IAH1: variants seen among roughly 807,000 people sequenced by gnomAD.
The protein encoded by IAH1 is isoamyl acetate-hydrolyzing esterase 1 homolog.
In IAH1, 24 loss-of-function variants were observed where a neutral mutation model predicts 26.7. The ratio of observed to expected loss-of-function variants is 0.90; its 90% confidence interval spans 0.65 to 1.26. IAH1 has a LOEUF of 1.26. IAH1 is among the 50% of genes most tolerant of loss of function. IAH1 has a pLI of 0.00. For missense variants in IAH1, 300 were observed against 299.9 expected, an observed-to-expected ratio of 1.00 and a Z score of 0.00; for synonymous variants, 140 against 118.5, an observed-to-expected ratio of 1.18 and a Z score of -1.18.
chr2:9,475,254 T>G (rs1682415872), intron 1 of IAH1: 2 of 1,228,478 alleles, frequency 1.6e-6, no homozygotes, highest in African/African-American at 1.5e-5. Flanking sequence ...ATTCCATTCC[T>G]GTGTGTGTCC....
chr2:9,490,898 G>A (rs1358297843), downstream of IAH1, among the ~76,000 whole-genome samples: 1 of 152,156 alleles, frequency 6.6e-6, no homozygotes, highest in East Asian at 1.9e-4. Flanking sequence ...GGACAGCACA[G>A]CTCTTTAAAT....
the IAH1 span, among the ~76,000 whole-genome samples, chr2:9,510,455 G>A: frequency 1.3e-5 from 2 of 152,074 alleles, no homozygotes; most frequent in South Asian, 2.1e-4. Context: ...CACGAGGTCA[G>A]GAGTTCGAGA....
chr2:9,498,176 T>C (rs140827301), downstream of IAH1, among the ~76,000 whole-genome samples: 2 of 152,128 alleles, frequency 1.3e-5, no homozygotes, highest in African/African-American at 4.8e-5. Flanking sequence ...ATTTCAGGCG[T>C]ACGCCACCAT....
At chr2:9,491,254 C>T, downstream of IAH1, 6 of 1,073,756 alleles carry the variant, frequency 5.6e-6, no homozygotes, top group Non-Finnish European at 8.2e-6. Context: ...GAACTTAGAA[C>T]CTGAGTTGTA....
chr2:9,477,518 G>A (rs13028337), intron 2 of IAH1, among the ~76,000 whole-genome samples: 63,803 of 151,752 alleles, frequency 0.42, 14,479 homozygotes, highest in Middle Eastern at 0.61. Flanking sequence ...TATGTGACTG[G>A]TATTCTCTGA....
chr2:9,479,242 A>T (rs1464998155), intron 3 of IAH1, among the ~76,000 whole-genome samples: 6 of 152,248 alleles, frequency 3.9e-5, no homozygotes, highest in Admixed American at 3.9e-4. Flanking sequence ...GAATTTTTTA[A>T]AAAGATAAAT....
At chr2:9,492,808 G>A (rs115590266), downstream of IAH1, 666 of 1,150,508 alleles carry the variant, frequency 5.8e-4, 2 homozygotes, top group African/African-American at 9.4e-3. Flanking sequence ...ACTTTGCTAA[G>A]AACAAGTTTT....
At chr2:9,490,340 T>TGTGA (rs1324237032), downstream of IAH1, 2 of 1,614,148 alleles carry the variant, frequency 1.2e-6, no homozygotes, top group Non-Finnish European at 1.7e-6. Flanking sequence ...CTCGTCCATA[T>TGTGA]GTGAGTCTGT....
intron 1 of IAH1, chr2:9,475,188 C>T (rs1190047816): frequency 2.3e-6 from 3 of 1,289,352 alleles, no homozygotes; most frequent in East Asian, 1.1e-4. Context: ...CATCTCACCT[C>T]CCATGAAGGG....
chr2:9,488,697 G>A lies in IAH1; in HGVS notation c.*368G>A, dbSNP rs1661796995. On this transcript the variant is annotated 3_prime_UTR_variant, in exon 6 of 6. Coordinates refer to ENST00000497473, the MANE Select transcript of IAH1 (RefSeq NM_001039613.3). Reference sequence around the variant, plus strand: ...CAACCTTGTATCAAATTCCAAAAGTGTAACTAAAGTATAAGAATATCATGA... The same window carrying A: ...CAACCTTGTATCAAATTCCAAAAGTATAACTAAAGTATAAGAATATCATGA... 1 of 159,096 alleles carries A rather than the reference G, an allele frequency of 6.3e-6. No individual in the cohort carries two copies. Among genetic ancestry groups the A allele is most frequent in the Non-Finnish European group, 1.4e-5 (1 of 72,828 alleles). The allele number at this position is 159,096 out of a possible 1,614,324, so 9.9% of individuals were successfully genotyped here. A position where few individuals can be genotyped will look rare whatever the true frequency, so the allele number is the denominator to read the frequency against.
chr2:9,490,378 T>G, downstream of IAH1: 2 of 1,614,154 alleles, frequency 1.2e-6, no homozygotes, highest in Non-Finnish European at 1.7e-6. Context: ...TGGTGTCCAT[T>G]CTCTGGTGGT....
chr2:9,476,521 C>A (rs1202269241), intron 2 of IAH1, among the ~76,000 whole-genome samples: 1 of 152,204 alleles, frequency 6.6e-6, no homozygotes, highest in Non-Finnish European at 1.5e-5. Context: ...ACCAAACAGG[C>A]TTTGTGTGAG....
downstream of IAH1, chr2:9,490,466 G>A: frequency 6.2e-7 from 1 of 1,614,018 alleles, no homozygotes; most frequent in Non-Finnish European, 8.5e-7. Flanking sequence ...CGCAGGAAAG[G>A]GTTTGATAAT....
rs1662435584 is a variant in IAH1, at chr2:9,494,780, A to G, written c.*142A>G. 3 of 1,613,362 alleles carry G rather than the reference A, an allele frequency of 1.9e-6. No individual in the cohort carries two copies. The Admixed American group carries it at 5.0e-5, about 27-fold the overall frequency. ...GAGTTGTCAGTTTCTGGAACAGAGA[A>G]CACGCATTGACAGCTGGATTGTTCT... On this transcript the variant is annotated 3_prime_UTR_variant, in exon 6 of 7. Transcript: ENST00000481367.
the IAH1 span, chr2:9,502,205 T>C: frequency 1.9e-6 from 3 of 1,614,122 alleles, no homozygotes; most frequent in East Asian, 2.2e-5. Context: ...GCAAGTAGCA[T>C]TAATCGCCTC....
At chr2:9,502,578 A>C in the IAH1 span, among the ~76,000 whole-genome samples, 1 of 152,254 alleles carries the variant, frequency 6.6e-6, no homozygotes, top group African/African-American at 2.4e-5. Context: ...TTAATTTAAA[A>C]AAGACAAGAT....
chr2:9,502,707 C>T, the IAH1 span, among the ~76,000 whole-genome samples: 1 of 151,668 alleles, frequency 6.6e-6, no homozygotes, highest in Non-Finnish European at 1.5e-5. Context: ...GGTGAAACCC[C>T]ATCTCTACTA....
In IAH1 at chr2:9,489,343, C is replaced by T. The variant is rs1417845394; in HGVS notation, c.*1014C>T. 1.4e-5 allele frequency: 2 copies of T among 146,260 alleles called. No homozygotes were observed. Among genetic ancestry groups the T allele is most frequent in the African/African-American group, 5.2e-5 (2 of 38,232 alleles). The allele number at this position is 146,260 out of a possible 1,614,324, so 9.1% of individuals were successfully genotyped here. On this transcript the variant is annotated 3_prime_UTR_variant, in exon 6 of 6. Coordinates refer to ENST00000497473, the MANE Select transcript of IAH1 (RefSeq NM_001039613.3). ...TGTAGTGGCGCAACCTCAGCCTCTCCAAGTGCTGGGATTACAGGCATGAGC... is the reference window on the plus strand; with the variant it reads ...TGTAGTGGCGCAACCTCAGCCTCTCTAAGTGCTGGGATTACAGGCATGAGC...
downstream of IAH1, among the ~76,000 whole-genome samples, chr2:9,491,939 ACT>A (rs1244311937): frequency 2.0e-5 from 3 of 152,346 alleles, no homozygotes; most frequent in South Asian, 4.1e-4. Flanking sequence ...GATGGATGGC[ACT>A]GTCATCCAGA....
Sources: allele counts gnomAD v4.1 joint callset (sites outside exome capture counted in the v4.1 genomes callset), GRCh38; gene constraint gnomAD v4.1.1; transcripts MANE v1.5; gene names NCBI Gene and HGNC (gene_info 2026-07-23, HGNC 2026-07-21).